USP54: variants seen among roughly 807,000 people sequenced by gnomAD.
USP54 encodes ubiquitin specific peptidase 54.
Under a neutral mutation model 170.5 loss-of-function variants are expected in USP54, and 87 were observed. The observed-to-expected ratio is 0.51, with a 90% confidence interval of 0.43 to 0.61. USP54 has a LOEUF of 0.61. Among genes scored for constraint, USP54 ranks in the 20% least tolerant of loss-of-function variants. The probability of loss-of-function intolerance (pLI) is 0.00; values close to 1 mark genes in which losing one functional copy is unlikely to be tolerated. For synonymous variants in USP54, 655 were observed against 742.8 expected, an observed-to-expected ratio of 0.88 and a Z score of 1.92; for missense variants, 1,786 against 2,047.8, an observed-to-expected ratio of 0.87 and a Z score of 2.47.
intron 1 of USP54, among the ~76,000 whole-genome samples, chr10:73,600,045 G>T (rs2079046812): frequency 6.6e-6 from 1 of 151,898 alleles, no homozygotes; most frequent in Admixed American, 6.6e-5. Flanking sequence ...GGGATTACAG[G>T]CATGCACCAC....
At chr10:73,528,440 T>C (rs1416416282) in intron 15 of USP54, among the ~76,000 whole-genome samples, 1 of 151,298 alleles carries the variant, frequency 6.6e-6, no homozygotes, top group Non-Finnish European at 1.5e-5. Context: ...GTATCTTTAG[T>C]AGAGACGGGG....
At chr10:73,581,724 C>G (rs527669091) in intron 1 of USP54, among the ~76,000 whole-genome samples, 66 of 152,114 alleles carry the variant, frequency 4.3e-4, no homozygotes, top group Admixed American at 1.1e-3. Flanking sequence ...TTTTATTAAT[C>G]AAAGAAACAT....
At chr10:73,529,548 G>T in intron 15 of USP54, 132 bp downstream of exon 15, 1 of 981,526 alleles carries the variant, frequency 1.0e-6, no homozygotes. Flanking sequence ...GTTGTTATAG[G>T]AAGTTGAAAG....
At chr10:73,616,498 T>G (rs529986188) in intron 1 of USP54, among the ~76,000 whole-genome samples, 1 of 149,644 alleles carries the variant, frequency 6.7e-6, no homozygotes, top group African/African-American at 2.6e-5. Flanking sequence ...CTAGGGCCTG[T>G]GCGGGGGTGG....
chr10:73,539,343 A>C, intron 10 of USP54, 101 bp downstream of exon 10: 4 of 755,968 alleles, frequency 5.3e-6, no homozygotes, highest in Non-Finnish European at 5.6e-6. Context: ...AAATGTGGGG[A>C]GGTCCCATTC....
intron 4 of USP54, among the ~76,000 whole-genome samples, chr10:73,560,003 C>T (rs1009820616): frequency 6.6e-6 from 1 of 151,910 alleles, no homozygotes; most frequent in Admixed American, 6.6e-5. Context: ...TGAGATAGTG[C>T]CACTGCACTC....
At chr10:73,573,019 T>C (rs77179689) in intron 3 of USP54, among the ~76,000 whole-genome samples, 5,375 of 152,238 alleles carry the variant, frequency 0.035, 154 homozygotes, top group South Asian at 0.11. Flanking sequence ...TGTGGTGGCT[T>C]ATGCCTATAA....
At chr10:73,576,748 T>C (rs2076166319) in intron 1 of USP54, among the ~76,000 whole-genome samples, 1 of 152,216 alleles carries the variant, frequency 6.6e-6, no homozygotes, top group South Asian at 2.1e-4. Flanking sequence ...AAGCACTTTT[T>C]AAAAGGTGTT....
In USP54 at chr10:73,604,592, A is replaced by T. The variant is rs1389901815; in HGVS notation, c.-18+20975T>A. On this transcript the variant is annotated intron_variant, in intron 1 of 22. Transcript: ENST00000339859. ...ACATAGTGAGACTCCATCTCCACAA[A>T]TTTTTTTTTTTTTTTTGAGACAGAG... is the stretch of plus-strand genomic sequence containing the variant. 1.1e-4 allele frequency among the ~76,000 whole-genome samples: 16 copies of T among 141,616 alleles called. No individual in the cohort carries two copies. In the East Asian group the frequency reaches 2.1e-3, roughly 19 times the overall value. The allele number at this position is 141,616 out of a possible 152,430, so 92.9% of individuals were successfully genotyped here. A position where few individuals can be genotyped will look rare whatever the true frequency, so the allele number is the denominator to read the frequency against.
chr10:73,515,409 G>C (rs1373293316), intron 20 of USP54, among the ~76,000 whole-genome samples: 1 of 152,196 alleles, frequency 6.6e-6, no homozygotes, highest in Non-Finnish European at 1.5e-5. Context: ...TTGGAGTTAA[G>C]TGCATCAATG....
At chr10:73,559,524 C>T (rs1433696468) in intron 4 of USP54, among the ~76,000 whole-genome samples, 1 of 148,516 alleles carries the variant, frequency 6.7e-6, no homozygotes, top group East Asian at 2.0e-4. Flanking sequence ...TGCGCCATTG[C>T]ACTCCAGCCT....
chr10:73,584,161 G>A lies in USP54; in HGVS notation c.-582+7117C>T, dbSNP rs543717612. Among the ~76,000 whole-genome samples the A allele has an allele frequency of 1.8e-4, 28 of 152,228 alleles. No individual in the cohort carries two copies. In the South Asian group the frequency reaches 5.4e-3, roughly 29 times the overall value. On this transcript the variant is annotated intron_variant, in intron 1 of 23. Transcript: ENST00000687698. ...TGCCAACACTTTGGGAGGCCGAGGC[G>A]GACAGATCACGAGGTCAGGAGCTCG...
intron 4 of USP54, among the ~76,000 whole-genome samples, chr10:73,571,169 A>G (rs1298807370): frequency 6.6e-6 from 1 of 151,148 alleles, no homozygotes; most frequent in Non-Finnish European, 1.5e-5. Context: ...AAAAAGGAGA[A>G]GCATACTTGC....
rs371448792 is a variant in USP54 at position 73,619,610 on chromosome 10, C to T, written c.-18+5957G>A. 9.3e-5 allele frequency among the ~76,000 whole-genome samples: 14 copies of T among 150,478 alleles called. 2 individuals are homozygous for T. The highest frequency in any genetic ancestry group is 7.7e-4 in the East Asian group (4 of 5,192). ...GATTATAGGCGTGAGCCACCACACC[C>T]AGCCTAATATGTATTATAACGCAGT... On this transcript the variant is annotated intron_variant, in intron 1 of 22. Coordinates refer to the USP54 transcript ENST00000339859.
Position 73,530,169 on chromosome 10 carries a change from T to TA in USP54, c.1801_1802insT (p.Gln601LeufsTer3). ...TGAATCCTCAGAAAAGGGGCTAAGC[T>TA]GGGTATAGCCACAGTGCTTCCTTTT... On this transcript the variant is annotated frameshift_variant, in exon 14 of 24. Transcript: ENST00000687698. LOFTEE classifies it high-confidence loss of function. The TA allele has an allele frequency of 6.2e-7, 1 of 1,613,480 alleles. No individual in the cohort carries two copies. The highest frequency in any genetic ancestry group is 8.5e-7 in the Non-Finnish European group (1 of 1,179,860).
In USP54 at chr10:73,541,753, A is replaced by G. The variant is rs2066638502; in HGVS notation, c.573-15T>C. On this transcript the variant is annotated splice_polypyrimidine_tract_variant and intron_variant, in intron 7 of 23. Transcript: ENST00000687698. ...TAGCCTGATTGCTTCAAGATGGGGA[A>G]TAGAAGGGGGATGATGGTTTGTATT... 6.2e-7 allele frequency: 1 copy of G among 1,610,290 alleles called. No individual in the cohort carries two copies.
intron 20 of USP54, among the ~76,000 whole-genome samples, chr10:73,509,129 CTT>C (rs962112618): frequency 8.6e-6 from 1 of 116,780 alleles, no homozygotes; most frequent in African/African-American, 3.2e-5. Context: ...AAAAAAAAGA[CTT>C]AAGAGCCTTA....
At position 73,552,172 on chromosome 10, in the gene USP54, T is replaced by C. The variant is rs527547427; in HGVS notation, c.241-6500A>G. On this transcript the variant is annotated intron_variant, in intron 4 of 23. Transcript: ENST00000687698. ...GGTAAATTATTTAACTTCTTAAGGC[T>C]TCAGTTTCTCTTTTAAAAGAGAGTT... Among the ~76,000 whole-genome samples, 277 of 152,252 alleles carry C rather than the reference T, an allele frequency of 1.8e-3. 1 individual carries two copies. The highest frequency in any genetic ancestry group is 5.8e-3 in the African/African-American group (243 of 41,560).
At chr10:73,561,652 G>A (rs753312263) in intron 4 of USP54, among the ~76,000 whole-genome samples, 1 of 152,108 alleles carries the variant, frequency 6.6e-6, no homozygotes, top group Non-Finnish European at 1.5e-5. Context: ...AATGCAGAAT[G>A]CCCAGGGAAG....
Sources: allele counts gnomAD v4.1 joint callset (sites outside exome capture counted in the v4.1 genomes callset), GRCh38; gene constraint gnomAD v4.1.1; transcripts MANE v1.5; gene names NCBI Gene and HGNC (gene_info 2026-07-23, HGNC 2026-07-21).